The following TMCC1 variants were observed in gnomAD, a reference collection of about 807,000 sequenced individuals.
TMCC1 encodes transmembrane and coiled-coil domain family 1, also known as transmembrane and coiled-coil domains protein 1.
A neutral mutation model predicts 52.4 loss-of-function variants in TMCC1; 15 were observed. The ratio of observed to expected loss-of-function variants is 0.29; its 90% CI spans 0.19 to 0.44. The LOEUF is 0.44. Among genes scored for constraint, TMCC1 ranks in the 20% least tolerant of loss-of-function variants. The pLI, the probability that TMCC1 is intolerant of heterozygous loss-of-function variation, is 1.00. For missense variants in TMCC1, 503 were observed against 806.0 expected (o/e 0.62, Z 4.55); for synonymous variants, 279 against 301.9 (o/e 0.92, Z 0.79).
intron 5 of TMCC1, among the ~76,000 whole-genome samples, chr3:129,655,716 C>T (rs2086624513): frequency 6.6e-6 from 1 of 152,200 alleles, no homozygotes; most frequent in Admixed American, 6.5e-5. Flanking sequence ...GACAGAGTGC[C>T]TGCCCTCAGG....
intron 4 of TMCC1, among the ~76,000 whole-genome samples, chr3:129,732,380 C>A (rs1364354022): frequency 2.0e-5 from 3 of 152,254 alleles, no homozygotes; most frequent in Non-Finnish European, 4.4e-5. Context: ...CACAGATGCA[C>A]CACCCACCCT....
intron 1 of TMCC1, among the ~76,000 whole-genome samples, chr3:129,888,105 C>A (rs776444550): frequency 6.6e-6 from 1 of 152,180 alleles, no homozygotes; most frequent in Non-Finnish European, 1.5e-5. Flanking sequence ...CACAGGTATA[C>A]AGATTAACAG....
At chr3:129,891,854 C>T (rs1231302994) in intron 1 of TMCC1, among the ~76,000 whole-genome samples, 1 of 152,186 alleles carries the variant, frequency 6.6e-6, no homozygotes, top group Non-Finnish European at 1.5e-5. Context: ...TTATGAGAGG[C>T]ATAAGCAGTC....
chr3:129,708,769 C>G (rs2048429692), intron 4 of TMCC1, among the ~76,000 whole-genome samples: 1 of 152,180 alleles, frequency 6.6e-6, no homozygotes, highest in Non-Finnish European at 1.5e-5. Flanking sequence ...TTCACTTATT[C>G]AGTTACAAAT....
chr3:129,831,751 A>G (rs968000562), intron 3 of TMCC1, among the ~76,000 whole-genome samples: 7 of 152,240 alleles, frequency 4.6e-5, no homozygotes, highest in African/African-American at 1.4e-4. Context: ...AAGAAATTCA[A>G]TAGTCTCAAA....
At chr3:129,859,330 T>C (rs1482283789) in intron 2 of TMCC1, among the ~76,000 whole-genome samples, 1 of 152,180 alleles carries the variant, frequency 6.6e-6, no homozygotes, top group Non-Finnish European at 1.5e-5. Context: ...AAGTATGAGA[T>C]AAACCATAAA....
chr3:129,838,012 G>T (rs1166592001), intron 2 of TMCC1, among the ~76,000 whole-genome samples: 1 of 152,196 alleles, frequency 6.6e-6, no homozygotes, highest in Non-Finnish European at 1.5e-5. Context: ...TACAACAGCT[G>T]TGGCAGAAGT....
chr3:129,828,495 G>T lies in TMCC1; in HGVS notation c.-117C>A. The T allele has an allele frequency of 1.1e-6, 1 of 933,222 alleles. No individual in the cohort carries two copies. The highest frequency in any genetic ancestry group is 1.6e-6 in the Non-Finnish European group (1 of 611,980). 57.8% of individuals were successfully genotyped at this position (933,222 alleles called of 1,614,324 possible). A position where few individuals can be genotyped will look rare whatever the true frequency, so the allele number is the denominator to read the frequency against. On this transcript the variant is annotated 5_prime_UTR_variant, in exon 4 of 7. Transcript: ENST00000393238. The surrounding 1 kb of genome is among the most constrained non-coding windows in gnomAD (Gnocchi z 4.1). The stretch of plus-strand genomic sequence containing the variant: ...ACTACGCATGCAGCTGTGAGACGAA[G>T]GCTTCATGCCTATCTAATGTTAAAA...
chr3:129,826,158 T>C (rs1040231813), intron 4 of TMCC1, among the ~76,000 whole-genome samples: 4 of 152,134 alleles, frequency 2.6e-5, no homozygotes, highest in African/African-American at 9.7e-5. Context: ...CAATCTTTAC[T>C]GCCAACTAGT....
At chr3:129,889,209 C>T (rs1389268261) in intron 1 of TMCC1, among the ~76,000 whole-genome samples, 6 of 152,084 alleles carry the variant, frequency 3.9e-5, no homozygotes, top group Non-Finnish European at 8.8e-5. Flanking sequence ...AGTGTTGAGG[C>T]TGCAGTGAGA....
intron 4 of TMCC1, among the ~76,000 whole-genome samples, chr3:129,714,992 A>G (rs1045113763): frequency 1.3e-5 from 2 of 152,202 alleles, no homozygotes; most frequent in Non-Finnish European, 2.9e-5. Context: ...ATGGCTCAGC[A>G]AACTGATTTT....
intron 2 of TMCC1, among the ~76,000 whole-genome samples, chr3:129,841,199 C>T (rs1051908204): frequency 2.6e-5 from 4 of 152,162 alleles, no homozygotes; most frequent in African/African-American, 7.2e-5. Context: ...TAGAGATCTG[C>T]GGAACTTTGA....
chr3:129,877,806 T>G (rs1462377473), intron 2 of TMCC1, among the ~76,000 whole-genome samples: 1 of 151,880 alleles, frequency 6.6e-6, no homozygotes, highest in African/African-American at 2.4e-5. Context: ...TTTTTTGTAT[T>G]TTTAATAGAC....
At position 129,823,756 on chromosome 3, in the gene TMCC1, T is replaced by C. The variant is rs375404109; in HGVS notation, c.576+4047A>G. ...GAAGCAAGACCTTATATTAGCGTTC[T>C]GGATAAACCAAAGAGTAGTGGACTT... is the stretch of plus-strand genomic sequence containing the variant. On this transcript the variant is annotated intron_variant, in intron 4 of 6. Transcript: ENST00000393238. Among the ~76,000 whole-genome samples, 7 of 152,358 alleles carry C rather than the reference T, an allele frequency of 4.6e-5. No homozygotes were observed. In the East Asian group the frequency reaches 1.3e-3, roughly 29 times the overall value.
intron 5 of TMCC1, among the ~76,000 whole-genome samples, chr3:129,655,314 T>C (rs767083348): frequency 6.6e-6 from 1 of 152,210 alleles, no homozygotes; most frequent in Admixed American, 6.5e-5. Flanking sequence ...GCAACATGGC[T>C]GTTCCATAAT....
chr3:129,778,381 T>C (rs1428287774), intron 4 of TMCC1, among the ~76,000 whole-genome samples: 1 of 152,192 alleles, frequency 6.6e-6, no homozygotes, highest in Non-Finnish European at 1.5e-5. Context: ...TAGTTATTAT[T>C]TTATCACTAT....
intron 4 of TMCC1, among the ~76,000 whole-genome samples, chr3:129,765,567 G>C (rs1202385272): frequency 1.3e-5 from 2 of 152,062 alleles, no homozygotes; most frequent in East Asian, 1.9e-4. Context: ...TGGCAAATTT[G>C]GATTAACTAT....
intron 4 of TMCC1, among the ~76,000 whole-genome samples, chr3:129,769,256 G>A (rs1342382036): frequency 6.6e-6 from 1 of 152,202 alleles, no homozygotes; most frequent in Non-Finnish European, 1.5e-5. Context: ...TTGAGACGGA[G>A]TCTCGCTCTG....
chr3:129,836,751 T>C (rs914676477), intron 2 of TMCC1, among the ~76,000 whole-genome samples: 7 of 152,190 alleles, frequency 4.6e-5, no homozygotes, highest in Non-Finnish European at 8.8e-5. Context: ...AGACTGAATG[T>C]AGGTTAGAAT....
Sources: gnomAD v4.1 joint callset for allele counts (sites outside exome capture counted in the v4.1 genomes callset) on GRCh38, gnomAD v4.1.1 for gene constraint, Gnocchi (gnomAD v3.1) non-coding constraint, MANE v1.5 for transcripts, NCBI Gene and HGNC (gene_info 2026-07-23, HGNC 2026-07-21) for gene names.